The following GRIP1 variants were observed in gnomAD, a reference collection of about 807,000 sequenced individuals.
The protein encoded by GRIP1 is glutamate receptor-interacting protein 1.
Under a neutral mutation model 129.9 loss-of-function variants are expected in GRIP1, and 45 were observed. The observed-to-expected ratio is 0.35, with a 90% CI of 0.27 to 0.44. The LOEUF (loss-of-function observed/expected upper bound fraction) is 0.44, where lower values mean the gene tolerates loss of function less well. Among genes scored for constraint, GRIP1 ranks in the 20% least tolerant of loss-of-function variants. The pLI, the probability that GRIP1 is intolerant of heterozygous loss-of-function variation, is 1.00. For missense variants in GRIP1, 1,196 were observed against 1,396.8 expected, an observed-to-expected ratio of 0.86 and a Z score of 2.29; for synonymous variants, 530 against 520.8, an observed-to-expected ratio of 1.02 and a Z score of -0.24.
chr12:66,530,690 CTG>C (rs1445304529), intron 4 of GRIP1, among the ~76,000 whole-genome samples: 2 of 151,492 alleles, frequency 1.3e-5, no homozygotes, highest in Non-Finnish European at 2.9e-5. Context: ...TTACAAGAAC[CTG>C]TTGAGTCATT....
At chr12:66,892,174 T>C (rs1459186781) in intron 1 of GRIP1, among the ~76,000 whole-genome samples, 1 of 152,044 alleles carries the variant, frequency 6.6e-6, no homozygotes, top group Non-Finnish European at 1.5e-5. Context: ...GACAGGGTAG[T>C]GACAGCTGGA....
At chr12:66,766,110 T>A (rs905970823) in intron 1 of GRIP1, among the ~76,000 whole-genome samples, 5 of 152,168 alleles carry the variant, frequency 3.3e-5, no homozygotes, top group South Asian at 2.1e-4. Flanking sequence ...ATAAAGCTCA[T>A]CCACACTGTG....
At chr12:66,826,625 A>G (rs1238050651) in intron 1 of GRIP1, among the ~76,000 whole-genome samples, 1 of 152,152 alleles carries the variant, frequency 6.6e-6, no homozygotes, top group African/African-American at 2.4e-5. Flanking sequence ...AGATTCAAAC[A>G]TCATCTAGAG....
At chr12:67,017,617 T>TGGCC (rs944938661) in intron 1 of GRIP1, among the ~76,000 whole-genome samples, 18 of 152,206 alleles carry the variant, frequency 1.2e-4, no homozygotes, top group African/African-American at 3.9e-4. Context: ...GTATCTGGGC[T>TGGCC]GGCCCTGTAA....
intron 1 of GRIP1, among the ~76,000 whole-genome samples, chr12:66,768,349 T>C (rs2037710635): frequency 6.6e-6 from 1 of 152,222 alleles, no homozygotes; most frequent in Non-Finnish European, 1.5e-5. Flanking sequence ...CTGAAGTATC[T>C]GCCTACAAAT....
Position 66,558,998 on chromosome 12 carries a change from T to G in GRIP1, c.137-17048A>C, listed in dbSNP as rs528140520. 1.1e-4 allele frequency among the ~76,000 whole-genome samples: 16 copies of G among 152,232 alleles called. No individual in the cohort carries two copies. In the South Asian group the frequency reaches 3.3e-3, roughly 32 times the overall value. ...ATTCATCATGACCAAGTGAAATTTA[T>G]CCCAGGGGTGCAAGGATGGTTTAAC... On this transcript the variant is annotated intron_variant, in intron 2 of 24. Transcript: ENST00000359742.
At chr12:66,480,447 G>T (rs1355556076) in intron 7 of GRIP1, among the ~76,000 whole-genome samples, 1 of 152,058 alleles carries the variant, frequency 6.6e-6, no homozygotes, top group Non-Finnish European at 1.5e-5. Context: ...CCATTCTCAT[G>T]GATAGGAAGA....
At position 66,410,244 on chromosome 12, in the gene GRIP1, C is replaced by G. The variant is rs61925915; in HGVS notation, c.1839-3816G>C. ...CCGCCTGGGCGACAGAGCGAGACTC[C>G]GTCTCAAAAAAAAAAAAAAAAAAAA... On this transcript the variant is annotated intron_variant, in intron 15 of 24. Transcript: ENST00000359742. Among the ~76,000 whole-genome samples, 2 of 64,222 alleles carry G rather than the reference C, an allele frequency of 3.1e-5. 1 individual carries two copies. Among genetic ancestry groups the G allele is most frequent in the Non-Finnish European group, 6.4e-5 (2 of 31,292 alleles). The allele number at this position is 64,222 out of a possible 152,430, so 42.1% of individuals were successfully genotyped here.
At chr12:66,965,549 TTG>T (rs368637185) in intron 1 of GRIP1, among the ~76,000 whole-genome samples, 8,292 of 128,134 alleles carry the variant, frequency 0.065, 250 homozygotes, top group Middle Eastern at 0.076. Flanking sequence ...AAAAGAAACA[TTG>T]TGTGTGTGTG....
At chr12:66,703,113 T>C (rs746908634) in intron 1 of GRIP1, among the ~76,000 whole-genome samples, 5 of 151,662 alleles carry the variant, frequency 3.3e-5, no homozygotes, top group Non-Finnish European at 5.9e-5. Flanking sequence ...AGAAAAGGAG[T>C]AGAGCAGATG....
intron 1 of GRIP1, among the ~76,000 whole-genome samples, chr12:66,732,072 C>T (rs931628158): frequency 8.5e-5 from 13 of 152,154 alleles, no homozygotes; most frequent in Admixed American, 2.0e-4. Context: ...TTGAATAACA[C>T]GGGTTTGAAC....
intron 1 of GRIP1, among the ~76,000 whole-genome samples, chr12:66,665,514 G>A (rs191254553): frequency 1.8e-4 from 27 of 152,152 alleles, no homozygotes; most frequent in Admixed American, 3.9e-4. Context: ...AGATAGATTT[G>A]GAATGGTTTT....
chr12:66,797,302 G>A (rs1057153334), intron 1 of GRIP1, among the ~76,000 whole-genome samples: 25 of 152,104 alleles, frequency 1.6e-4, no homozygotes, highest in Admixed American at 3.9e-4. Context: ...GCTGCTAAGC[G>A]GAACGTCATC....
chr12:67,005,025 A>T (rs1460845317), intron 1 of GRIP1, among the ~76,000 whole-genome samples: 2 of 7,156 alleles, frequency 2.8e-4, no homozygotes, highest in African/African-American at 2.4e-3. Context: ...ATTAACTTTA[A>T]AAAAAAAAAA....
intron 1 of GRIP1, among the ~76,000 whole-genome samples, chr12:66,688,094 C>T (rs1367914257): frequency 6.6e-6 from 1 of 152,182 alleles, no homozygotes; most frequent in Non-Finnish European, 1.5e-5. Context: ...GCCATTGGAA[C>T]ATCCGGATTC....
At chr12:66,955,354 C>T (rs2041822946) in intron 1 of GRIP1, among the ~76,000 whole-genome samples, 1 of 152,074 alleles carries the variant, frequency 6.6e-6, no homozygotes, top group Admixed American at 6.6e-5. Context: ...ATAATCTCTG[C>T]AAGACCTTTC....
chr12:66,377,877 G>A (rs1474472193), intron 20 of GRIP1, among the ~76,000 whole-genome samples: 1 of 152,020 alleles, frequency 6.6e-6, no homozygotes, highest in East Asian at 1.9e-4. Flanking sequence ...ACATGGCCCT[G>A]TTGGAATGGG....
intron 1 of GRIP1, among the ~76,000 whole-genome samples, chr12:66,652,808 AG>A (rs1020031119): frequency 6.6e-6 from 1 of 152,176 alleles, no homozygotes; most frequent in African/African-American, 2.4e-5. Flanking sequence ...TTCAATAAAA[AG>A]TTTCCACTCC....
At chr12:67,066,117 TAC>T (rs1396074553) in intron 1 of GRIP1, among the ~76,000 whole-genome samples, 1 of 152,210 alleles carries the variant, frequency 6.6e-6, no homozygotes, top group East Asian at 1.9e-4. Flanking sequence ...ACCCATATGT[TAC>T]AGTTTCTCTG....
Sources: allele counts gnomAD v4.1 joint callset (sites outside exome capture counted in the v4.1 genomes callset), GRCh38; gene constraint gnomAD v4.1.1; transcripts MANE v1.5; gene names NCBI Gene and HGNC (gene_info 2026-07-23, HGNC 2026-07-21).